The following GAS2 variants were observed in gnomAD, a reference collection of about 807,000 sequenced individuals.
GAS2 encodes the protein growth arrest specific 2.
In GAS2, 20 loss-of-function variants were observed where a neutral mutation model predicts 37.5. The observed-to-expected ratio is 0.53, with a 90% confidence interval of 0.37 to 0.77. The LOEUF (loss-of-function observed/expected upper bound fraction) is 0.77. Among genes scored for constraint, GAS2 ranks in the 30% least tolerant of loss-of-function variants. The pLI, the probability that GAS2 is intolerant of heterozygous loss-of-function variation, is 0.00. For synonymous variants in GAS2, 144 were observed against 132.2 expected, an observed-to-expected ratio of 1.09 and a Z score of -0.61; for missense variants, 336 against 373.4, an observed-to-expected ratio of 0.90 and a Z score of 0.82.
intron 3 of GAS2, among the ~76,000 whole-genome samples, chr11:22,687,000 A>G (rs953081720): frequency 6.6e-5 from 10 of 152,052 alleles, no homozygotes; most frequent in Admixed American, 1.3e-4. Flanking sequence ...TTTGCTGCAC[A>G]TTGGAATTAC....
chr11:22,682,606 G>C (rs955212152), intron 2 of GAS2, among the ~76,000 whole-genome samples: 3 of 151,846 alleles, frequency 2.0e-5, no homozygotes, highest in South Asian at 2.1e-4. Context: ...GTGGCCTGGC[G>C]TGGTGCCTTA....
intron 3 of GAS2, chr11:22,702,636 G>T (rs1008867932): frequency 3.3e-5 from 5 of 152,068 alleles, no homozygotes; most frequent in African/African-American, 1.2e-4. Context: ...TTTCATGTTT[G>T]TCTCCTTTCT....
chr11:22,663,626 G>A (rs919231920), upstream of GAS2, among the ~76,000 whole-genome samples: 4 of 151,996 alleles, frequency 2.6e-5, no homozygotes, highest in African/African-American at 9.7e-5. Flanking sequence ...TCTCCACTGA[G>A]AGTAAAGTAA....
chr11:22,761,831 G>A (rs569957721), intron 7 of GAS2, among the ~76,000 whole-genome samples: 45 of 152,242 alleles, frequency 3.0e-4, no homozygotes, highest in Middle Eastern at 6.8e-3. Context: ...AGCATTGGAA[G>A]TGGGCACTAA....
intron 1 of GAS2, among the ~76,000 whole-genome samples, chr11:22,660,141 C>A (rs1848900534): frequency 6.6e-6 from 1 of 152,066 alleles, no homozygotes; most frequent in Non-Finnish European, 1.5e-5. Context: ...TCCCGGAAAG[C>A]AGGGAATGTG....
At chr11:22,699,776 T>C (rs956773591) in intron 3 of GAS2, among the ~76,000 whole-genome samples, 2 of 152,102 alleles carry the variant, frequency 1.3e-5, no homozygotes, top group Admixed American at 6.6e-5. Context: ...AAGCACTGAG[T>C]GGTACCTAGT....
intron 7 of GAS2, among the ~76,000 whole-genome samples, chr11:22,785,206 A>G (rs1855764540): frequency 6.6e-6 from 1 of 152,158 alleles, no homozygotes; most frequent in African/African-American, 2.4e-5. Flanking sequence ...AAATCCCCCC[A>G]TAGCACTCAG....
intron 7 of GAS2, among the ~76,000 whole-genome samples, chr11:22,765,389 A>G (rs1219653331): frequency 6.6e-6 from 1 of 152,182 alleles, no homozygotes; most frequent in Admixed American, 6.5e-5. Flanking sequence ...TGAAATTGAA[A>G]TCCCAAGTCA....
At chr11:22,809,900 T>C (rs1857065353) in intron 7 of GAS2, among the ~76,000 whole-genome samples, 1 of 152,142 alleles carries the variant, frequency 6.6e-6, no homozygotes, top group South Asian at 2.1e-4. Context: ...AAATCCTCTT[T>C]TTATCTGCTT....
At chr11:22,809,686 G>T (rs1246314630) in intron 7 of GAS2, among the ~76,000 whole-genome samples, 1 of 149,222 alleles carries the variant, frequency 6.7e-6, no homozygotes, top group Non-Finnish European at 1.5e-5. Flanking sequence ...TAGAGATGGG[G>T]TTTCACCATA....
intron 2 of GAS2, among the ~76,000 whole-genome samples, chr11:22,682,887 G>GA (rs1849756324): frequency 1.8e-4 from 13 of 73,646 alleles, no homozygotes; most frequent in Non-Finnish European, 2.6e-4. Flanking sequence ...AAAAAAAAAA[G>GA]GAAAAAAAAA....
At chr11:22,792,962 A>G (rs1856241695) in intron 7 of GAS2, among the ~76,000 whole-genome samples, 1 of 152,214 alleles carries the variant, frequency 6.6e-6, no homozygotes, top group Non-Finnish European at 1.5e-5. Flanking sequence ...ATATGTATGG[A>G]AGACAAAAAC....
chr11:22,685,348 G>A (rs1295831827), intron 2 of GAS2, among the ~76,000 whole-genome samples: 13 of 152,180 alleles, frequency 8.5e-5, no homozygotes, highest in Admixed American at 7.9e-4. Context: ...GGTTCTTTGA[G>A]TTTTGTTGGT....
chr11:22,701,990 T>G (rs1396626155), intron 3 of GAS2, among the ~76,000 whole-genome samples: 1 of 152,196 alleles, frequency 6.6e-6, no homozygotes, highest in African/African-American at 2.4e-5. Flanking sequence ...TAAGATTATT[T>G]TAAATGTGTC....
At chr11:22,674,745 T>A (rs1449177038) in intron 1 of GAS2, 105 bp from the exon 2 acceptor site, 2 of 795,728 alleles carry the variant, frequency 2.5e-6, no homozygotes, top group Non-Finnish European at 3.8e-6. Context: ...TAAACTGAAC[T>A]GTCATCAGAA....
At chr11:22,769,443 C>T (rs1288374427) in intron 7 of GAS2, among the ~76,000 whole-genome samples, 1 of 152,180 alleles carries the variant, frequency 6.6e-6, no homozygotes, top group Non-Finnish European at 1.5e-5. Flanking sequence ...GACATCTTGG[C>T]ACCAGTGACA....
intron 1 of GAS2, among the ~76,000 whole-genome samples, chr11:22,653,787 G>C (rs1378862858): frequency 6.6e-6 from 1 of 152,212 alleles, no homozygotes; most frequent in African/African-American, 2.4e-5. Context: ...TGTCTGGAGA[G>C]AATGGACTCG....
chr11:22,731,564 GA>G (rs1852478663), intron 4 of GAS2, among the ~76,000 whole-genome samples: 1 of 151,678 alleles, frequency 6.6e-6, no homozygotes, highest in African/African-American at 2.4e-5. Flanking sequence ...GAACATTGGT[GA>G]GCATTTTGCT....
intron 7 of GAS2, among the ~76,000 whole-genome samples, chr11:22,810,534 A>G (rs558442768): frequency 6.6e-6 from 1 of 152,326 alleles, no homozygotes; most frequent in African/African-American, 2.4e-5. Flanking sequence ...CATACTCTAA[A>G]TGAGAATAAC....
Sources: gnomAD v4.1 joint callset for allele counts (sites outside exome capture counted in the v4.1 genomes callset) on GRCh38, gnomAD v4.1.1 for gene constraint, MANE v1.5 for transcripts, NCBI Gene and HGNC (gene_info 2026-07-23, HGNC 2026-07-21) for gene names.